The following SCMH1 variants were observed in gnomAD, a reference collection of about 807,000 sequenced individuals.
The protein encoded by SCMH1 is Scm polycomb group protein homolog 1.
A neutral mutation model predicts 70.8 loss-of-function variants in SCMH1; 37 were observed. That is an observed-to-expected ratio of 0.52 (90% CI 0.40 to 0.69). The LOEUF (loss-of-function observed/expected upper bound fraction) is 0.69, where lower values mean the gene tolerates loss of function less well. Ranked by LOEUF, SCMH1 falls within the 30% of genes least tolerant of loss-of-function variation. The probability of loss-of-function intolerance (pLI) is 0.00; values close to 1 mark genes in which losing one functional copy is unlikely to be tolerated. For synonymous variants in SCMH1, 292 were observed against 307.4 expected, an observed-to-expected ratio of 0.95 and a Z score of 0.52; for missense variants, 607 against 827.3, an observed-to-expected ratio of 0.73 and a Z score of 3.27.
At chr1:41,178,804 C>T (rs556773850) in intron 2 of SCMH1, among the ~76,000 whole-genome samples, 6 of 152,334 alleles carry the variant, frequency 3.9e-5, no homozygotes, top group Admixed American at 1.3e-4. Flanking sequence ...TAACACCCCA[C>T]TGTCAACATT....
At chr1:41,218,132 T>G (rs1329411546) in intron 1 of SCMH1, among the ~76,000 whole-genome samples, 1 of 152,226 alleles carries the variant, frequency 6.6e-6, no homozygotes, top group Non-Finnish European at 1.5e-5. Context: ...GATGGGATTT[T>G]GGACTTAGAG....
At chr1:41,108,592 G>A (rs1668563067) in intron 8 of SCMH1, among the ~76,000 whole-genome samples, 1 of 152,202 alleles carries the variant, frequency 6.6e-6, no homozygotes, top group Non-Finnish European at 1.5e-5. Flanking sequence ...TGGACGCTTG[G>A]TAGTTACTAC....
intron 6 of SCMH1, among the ~76,000 whole-genome samples, chr1:41,120,729 A>G (rs1671719035): frequency 6.6e-6 from 1 of 152,198 alleles, no homozygotes; most frequent in South Asian, 2.1e-4. Context: ...GAGGCCATGA[A>G]GTACAAAGAT....
intron 2 of SCMH1, among the ~76,000 whole-genome samples, chr1:41,162,411 C>A (rs1433527812): frequency 6.6e-6 from 1 of 152,262 alleles, no homozygotes; most frequent in East Asian, 1.9e-4. Context: ...GGCTGAACTG[C>A]CAGTCCTGCA....
chr1:41,068,285 G>C (rs1655339207), intron 10 of SCMH1, among the ~76,000 whole-genome samples: 1 of 152,176 alleles, frequency 6.6e-6, no homozygotes, highest in East Asian at 1.9e-4. Flanking sequence ...AAAAGGCAAA[G>C]AATAGGGGTA....
In SCMH1 at chr1:41,094,991, C is replaced by A. The variant is rs148675795; in HGVS notation, c.745+18292G>T. Among the ~76,000 whole-genome samples the A allele has an allele frequency of 1.2e-4, 18 of 152,198 alleles. No homozygotes were observed. The East Asian group carries it at 3.5e-3, about 29-fold the overall frequency. ...ATCATCCTATATAAAACAATACCTC[C>A]AACCCATCACCCCCAAACCCCTGGC... On this transcript the variant is annotated intron_variant, in intron 8 of 14. Transcript: ENST00000337495.
In SCMH1 at chr1:41,161,360, T is replaced by A; in HGVS notation, c.82+4A>T. The stretch of plus-strand genomic sequence containing the variant: ...CACACCAAACGGAGTTTTTTCCCCC[T>A]TACCTTGATATTGGGATGCAGACTC... On this transcript the variant is annotated splice_donor_region_variant and intron_variant, in intron 3 of 14. Transcript: ENST00000337495. 6.5e-7 allele frequency: 1 copy of A among 1,549,548 alleles called. No individual in the cohort carries two copies. The highest frequency in any genetic ancestry group is 8.7e-7 in the Non-Finnish European group (1 of 1,146,708).
chr1:41,071,268 T>G (rs1037262418), intron 9 of SCMH1, among the ~76,000 whole-genome samples: 20 of 146,638 alleles, frequency 1.4e-4, no homozygotes, highest in Admixed American at 2.7e-4. Context: ...TTTACAATGA[T>G]AAGATGTCTC....
At chr1:41,191,203 T>C (rs1048422184) in intron 1 of SCMH1, among the ~76,000 whole-genome samples, 11 of 152,190 alleles carry the variant, frequency 7.2e-5, no homozygotes, top group Non-Finnish European at 1.5e-4. Flanking sequence ...TATTGCAGGT[T>C]TATGGGCAAG....
At chr1:41,127,774 C>A (rs1327365581) in intron 6 of SCMH1, among the ~76,000 whole-genome samples, 3 of 152,050 alleles carry the variant, frequency 2.0e-5, no homozygotes, top group Non-Finnish European at 1.5e-5. Context: ...AGGAAGAGCT[C>A]TCTTCCTCCC....
intron 1 of SCMH1, among the ~76,000 whole-genome samples, chr1:41,227,469 G>T (rs1211434077): frequency 6.6e-6 from 1 of 152,184 alleles, no homozygotes; most frequent in African/African-American, 2.4e-5. Flanking sequence ...GAACCTTGAA[G>T]ACATGCTGAG....
chr1:41,095,371 C>T (rs1664791163), intron 8 of SCMH1, among the ~76,000 whole-genome samples: 1 of 152,144 alleles, frequency 6.6e-6, no homozygotes. Context: ...ATACTATGTG[C>T]AGTCTTTTTC....
exon 15 of SCMH1, chr1:41,028,108 G>A (rs1297047368): frequency 1.9e-6 from 3 of 1,551,586 alleles, no homozygotes; most frequent in African/African-American, 2.7e-5. Flanking sequence ...ACCCCACTGA[G>A]GTGCCTGGGG....
intron 1 of SCMH1, among the ~76,000 whole-genome samples, chr1:41,239,347 C>G (rs1663034979): frequency 6.6e-6 from 1 of 152,218 alleles, no homozygotes; most frequent in Admixed American, 6.5e-5. Context: ...GTTTGCCTCA[C>G]TTACTCCTAC....
At chr1:41,089,782 T>C (rs1662790737) in intron 8 of SCMH1, among the ~76,000 whole-genome samples, 1 of 126,112 alleles carries the variant, frequency 7.9e-6, no homozygotes, top group African/African-American at 3.1e-5. Flanking sequence ...CTAACCATGT[T>C]GTCTCTTTTT....
intron 4 of SCMH1, among the ~76,000 whole-genome samples, chr1:41,153,239 A>G (rs1645227555): frequency 6.6e-6 from 1 of 152,194 alleles, no homozygotes; most frequent in Admixed American, 6.5e-5. Flanking sequence ...TGCTGACTAA[A>G]ATGTTCTGTA....
chr1:41,056,202 C>T (rs958179513), intron 10 of SCMH1, among the ~76,000 whole-genome samples: 6 of 152,158 alleles, frequency 3.9e-5, no homozygotes, highest in African/African-American at 1.4e-4. Context: ...GGAACGCAGC[C>T]ACCATGGTAT....
chr1:41,237,670 C>T lies in SCMH1; in HGVS notation c.-118+4389G>A, dbSNP rs559659182. Among the ~76,000 whole-genome samples the T allele has an allele frequency of 4.6e-5, 7 of 152,308 alleles. No homozygotes were observed. In the East Asian group the frequency reaches 1.2e-3, roughly 25 times the overall value. On this transcript the variant is annotated intron_variant, in intron 1 of 14. Coordinates refer to ENST00000337495, the Ensembl canonical transcript of SCMH1. ...CTATTTTTAACAAAGATACCATACC[C>T]TATGCTTTCCCTATTTTATATATCT...
chr1:41,030,490 A>C (rs939587740), intron 13 of SCMH1, among the ~76,000 whole-genome samples: 1 of 151,858 alleles, frequency 6.6e-6, no homozygotes, highest in Non-Finnish European at 1.5e-5. Context: ...ATCCTCTGAC[A>C]TGCAATTTCC....
Sources: allele counts gnomAD v4.1 joint callset (sites outside exome capture counted in the v4.1 genomes callset), GRCh38; gene constraint gnomAD v4.1.1; transcripts MANE v1.5; gene names NCBI Gene and HGNC (gene_info 2026-07-23, HGNC 2026-07-21).